UPF2: variants seen among roughly 807,000 people sequenced by gnomAD.
UPF2 encodes the protein regulator of nonsense transcripts 2.
A neutral mutation model predicts 141.4 loss-of-function variants in UPF2; 17 were observed. The ratio of observed to expected loss-of-function variants is 0.12; its 90% CI spans 0.08 to 0.18. The LOEUF (loss-of-function observed/expected upper bound fraction) is 0.18, where lower values mean the gene tolerates loss of function less well. Among genes scored for constraint, UPF2 ranks in the 10% least tolerant of loss-of-function variants. The pLI is 1.00. For synonymous variants in UPF2, 540 were observed against 498.0 expected (o/e 1.08, Z -1.12); for missense variants, 1,152 against 1,515.9 (o/e 0.76, Z 3.99).
At chr10:11,925,016 A>AC (rs1234839944) in intron 21 of UPF2, among the ~76,000 whole-genome samples, 1 of 151,942 alleles carries the variant, frequency 6.6e-6, no homozygotes, top group Non-Finnish European at 1.5e-5. Flanking sequence ...ACGGGGTTTC[A>AC]CCATGTTGGT....
intron 7 of UPF2, 25 bp downstream of exon 7, chr10:11,999,881 T>G (rs772854533): frequency 1.9e-6 from 3 of 1,594,902 alleles, no homozygotes; most frequent in Non-Finnish European, 2.6e-6. Flanking sequence ...TGTGCTTGAA[T>G]AAAGTTACAC....
intron 8 of UPF2, among the ~76,000 whole-genome samples, chr10:11,989,895 C>T (rs1833751577): frequency 6.6e-6 from 1 of 152,126 alleles, no homozygotes; most frequent in Non-Finnish European, 1.5e-5. Context: ...CCCACCAAAC[C>T]CAGAGGACTT....
At position 12,014,154 on chromosome 10, in the gene UPF2, A is replaced by T; in HGVS notation, c.1176T>A (p.Ser392Arg). 1 of 1,537,412 alleles carries T rather than the reference A, an allele frequency of 6.5e-7. No homozygotes were observed. The highest frequency in any genetic ancestry group is 1.2e-5 in the South Asian group (1 of 80,148). The change falls in exon 4 of 22, where the codon AGT becomes AGA. Residue 392 changes from serine (S) to arginine (R), a missense_variant. Ser to Arg is a moderately radical substitution (Grantham distance 110, BLOSUM62 -1). Coordinates refer to ENST00000357604, the MANE Select transcript of UPF2 (RefSeq NM_015542.4). This position sits in a 1 kb window ranked among gnomAD's most constrained non-coding sequence, Gnocchi z 5.0. ...RRILHSKGEL[S>R]EDRHKQYEEF... ...CCTCATACTGTTTATGTCTATCTTCACTGAGCTCCCCTTTAGAATGTAGAA... is the reference window on the plus strand; with the variant it reads ...CCTCATACTGTTTATGTCTATCTTCTCTGAGCTCCCCTTTAGAATGTAGAA...
chr10:11,981,296 A>C (rs928610814), intron 8 of UPF2, among the ~76,000 whole-genome samples: 1 of 152,220 alleles, frequency 6.6e-6, no homozygotes, highest in South Asian at 2.1e-4. Flanking sequence ...TTCTAAGCAA[A>C]TTAGTTTTTA....
chr10:12,034,786 C>A (rs1478250384), intron 2 of UPF2, among the ~76,000 whole-genome samples: 2 of 152,136 alleles, frequency 1.3e-5, no homozygotes, highest in African/African-American at 4.8e-5. Context: ...GTCTGGGCGA[C>A]TGAGCAAAAT....
intron 21 of UPF2, among the ~76,000 whole-genome samples, chr10:11,926,021 C>T (rs185625123): frequency 1.6e-4 from 25 of 152,270 alleles, no homozygotes; most frequent in East Asian, 5.8e-4. Flanking sequence ...AAGGTTGAGA[C>T]GGAGAGGCTG....
In UPF2 at chr10:11,979,109, G is replaced by A; in HGVS notation, c.1901C>T (p.Ser634Phe). 2 of 1,613,504 alleles carry A rather than the reference G, an allele frequency of 1.2e-6. No individual in the cohort carries two copies. Among genetic ancestry groups the A allele is most frequent in the Non-Finnish European group, 1.7e-6 (2 of 1,179,646 alleles). ...RLVATLHPCM[S>F]DVAEDLCSML... ...GGAACAAAGATCCTCTGCTACATCA[G>A]ACATGCAGGGATGCAATGTAGCAAC... Residue 634 changes from serine to phenylalanine, a missense_variant, in exon 9 of 22, where the codon TCT (serine) becomes TTT (phenylalanine). By Grantham distance (155) the Ser-to-Phe change is radical. Around this residue, in one of 4 missense-constraint regions of UPF2, gnomAD observed 739 missense variants for 1,032.2 expected, o/e 0.72. Coordinates refer to ENST00000357604, the MANE Select transcript of UPF2 (RefSeq NM_015542.4). The surrounding 1 kb of genome is among the most constrained non-coding windows in gnomAD (Gnocchi z 6.2).
chr10:12,032,094 G>C (rs994273563), intron 2 of UPF2, among the ~76,000 whole-genome samples: 3 of 152,052 alleles, frequency 2.0e-5, no homozygotes, highest in Non-Finnish European at 2.9e-5. Flanking sequence ...AGGAGTTCGA[G>C]ATCAGCCTGA....
At chr10:11,942,155 C>A (rs2131170191) in intron 18 of UPF2, among the ~76,000 whole-genome samples, 1 of 152,272 alleles carries the variant, frequency 6.6e-6, no homozygotes, top group African/African-American at 2.4e-5. Context: ...AGGAGGATCA[C>A]CTGAGGTCAG....
chr10:11,961,816 G>A (rs191872207), intron 11 of UPF2, among the ~76,000 whole-genome samples: 1 of 152,280 alleles, frequency 6.6e-6, no homozygotes, highest in Admixed American at 6.5e-5. Context: ...TTTTCTATCT[G>A]TGCGAAATCA....
At chr10:11,969,881 TA>T (rs942359753) in intron 9 of UPF2, among the ~76,000 whole-genome samples, 1 of 152,188 alleles carries the variant, frequency 6.6e-6, no homozygotes, top group African/African-American at 2.4e-5. Context: ...GTAAAGCACA[TA>T]AAACAGTGCT....
At chr10:12,009,820 T>C (rs1309743546) in intron 4 of UPF2, among the ~76,000 whole-genome samples, 1 of 152,014 alleles carries the variant, frequency 6.6e-6, no homozygotes, top group South Asian at 2.1e-4. Flanking sequence ...ATTTGCAGAG[T>C]CTCCTTGAAC....
At chr10:12,031,344 T>C (rs1182399618) in intron 2 of UPF2, among the ~76,000 whole-genome samples, 1 of 152,084 alleles carries the variant, frequency 6.6e-6, no homozygotes, top group Non-Finnish European at 1.5e-5. Flanking sequence ...AATAAGAAAC[T>C]TAATAAAAAC....
Position 12,029,497 on chromosome 10 carries a change from A to T in UPF2, c.393T>A (p.His131Gln). 1 of 1,594,464 alleles carries T rather than the reference A, an allele frequency of 6.3e-7. No homozygotes were observed. Among genetic ancestry groups the T allele is most frequent in the South Asian group, 1.2e-5 (1 of 86,240 alleles). The change falls in exon 3 of 22, where the codon CAT (histidine) becomes CAA (glutamine). Residue 131 changes from histidine (H) to glutamine (Q), a missense_variant. His to Gln is a conservative substitution (Grantham distance 24). Coordinates refer to ENST00000357604, the MANE Select transcript of UPF2 (RefSeq NM_015542.4). ...MKEKEESIQL[H>Q]QEAWERHHLR... is the part of the protein sequence containing the mutation. ...AATGATGTCGTTCCCAAGCTTCCTG[A>T]TGAAGCTGAATGGATTCTTCTTTTT...
Position 11,929,989 on chromosome 10 carries a change from T to A in UPF2, c.3689-4A>T, listed in dbSNP as rs748661004. 1.9e-6 allele frequency: 3 copies of A among 1,614,066 alleles called. No individual in the cohort carries two copies. The South Asian group carries it at 3.3e-5, about 18-fold the overall frequency. On this transcript the variant is annotated splice_polypyrimidine_tract_variant and splice_region_variant and intron_variant, in intron 20 of 21. Transcript: ENST00000357604. The stretch of plus-strand genomic sequence containing the variant: ...TGTGCAAGAGACTGCAACATTTCTG[T>A]AATTAGGAGCAAAAAAAGAGAATGC...
In UPF2 at chr10:11,936,929, G is replaced by A. The variant is rs1470936198; in HGVS notation, c.3379-217C>T. Among the ~76,000 whole-genome samples the A allele has an allele frequency of 6.6e-6, 1 of 152,210 alleles. No individual in the cohort carries two copies. The highest frequency in any genetic ancestry group is 1.5e-5 in the Non-Finnish European group (1 of 68,028). On this transcript the variant is annotated intron_variant, in intron 18 of 21. Coordinates refer to ENST00000357604, the MANE Select transcript of UPF2 (RefSeq NM_015542.4). This position sits in a 1 kb window ranked among gnomAD's most constrained non-coding sequence, Gnocchi z 6.6. ...CACCTAACACCTCTGCCTATGACAT[G>A]GAAGGAAATGCAGGACTTGGCTGCT... is the stretch of plus-strand genomic sequence containing the variant.
chr10:12,007,476 T>C (rs1463776624), intron 4 of UPF2, among the ~76,000 whole-genome samples: 1 of 152,124 alleles, frequency 6.6e-6, no homozygotes, highest in African/African-American at 2.4e-5. Flanking sequence ...AAAATAGGAA[T>C]ATCACAGGCA....
At chr10:12,009,874 ATGT>A (rs1184917460) in intron 4 of UPF2, among the ~76,000 whole-genome samples, 1 of 152,196 alleles carries the variant, frequency 6.6e-6, no homozygotes, top group Non-Finnish European at 1.5e-5. Context: ...AGGAAACAAA[ATGT>A]TCACCTGAGT....
chr10:11,955,385 A>C lies in UPF2; in HGVS notation c.2697T>G (p.Phe899Leu), dbSNP rs1833132650. Residue 899 changes from phenylalanine to leucine, a missense_variant, in exon 14 of 22, where the codon TTT (phenylalanine) becomes TTG (leucine). Physicochemically the swap from Phe to Leu is conservative, Grantham distance 22. Coordinates refer to ENST00000357604, the MANE Select transcript of UPF2 (RefSeq NM_015542.4). ...TTGGAGAGCCATCAGGATTAACACC[A>C]AATGAGGTAAAAGAATACAGAGTTC... ...IFRTLYSFTS[F>L]GVNPDGSPSS... The C allele has an allele frequency of 1.9e-6, 3 of 1,614,194 alleles. No individual in the cohort carries two copies. Among genetic ancestry groups the C allele is most frequent in the Non-Finnish European group, 2.5e-6 (3 of 1,180,024 alleles).
Sources: gnomAD v4.1 joint callset for allele counts (sites outside exome capture counted in the v4.1 genomes callset) on GRCh38, gnomAD v4.1.1 for gene constraint, gnomAD v4.1.1 regional missense constraint, Gnocchi (gnomAD v3.1) non-coding constraint, MANE v1.5 for transcripts, NCBI Gene and HGNC (gene_info 2026-07-23, HGNC 2026-07-21) for gene names.